TMTC1: variants seen among roughly 807,000 people sequenced by gnomAD.
TMTC1 encodes the protein transmembrane O-mannosyltransferase targeting cadherins 1.
Under a neutral mutation model 104.8 loss-of-function variants are expected in TMTC1, and 73 were observed. The ratio of observed to expected loss-of-function variants is 0.70; its 90% CI spans 0.58 to 0.85. The LOEUF is 0.85. TMTC1 is among the 40% of genes least tolerant of loss of function. The pLI, the probability that TMTC1 is intolerant of heterozygous loss-of-function variation, is 0.00. For missense variants in TMTC1, 1,035 were observed against 1,096.1 expected, an observed-to-expected ratio of 0.94 and a Z score of 0.79; for synonymous variants, 434 against 428.7, an observed-to-expected ratio of 1.01 and a Z score of -0.15.
chr12:29,660,089 C>G (rs1025141880), intron 5 of TMTC1: 3 of 853,314 alleles, frequency 3.5e-6, no homozygotes, highest in Non-Finnish European at 5.4e-6. Context: ...CACCCCTTCC[C>G]TTAAATCTGA....
In TMTC1 at chr12:29,697,996, G is replaced by A. The variant is rs144056975; in HGVS notation, c.938+53670C>T. Among the ~76,000 whole-genome samples, 28 of 152,252 alleles carry A rather than the reference G, an allele frequency of 1.8e-4. No individual in the cohort carries two copies. In the East Asian group the frequency reaches 5.4e-3, roughly 29 times the overall value. On this transcript the variant is annotated intron_variant, in intron 5 of 17. Transcript: ENST00000539277. Reference sequence around the variant, plus strand: ...CCAGAAAATGTCACCCCAAAATAGAGTACTCTTGTATGATTATTCTTTAAA... The same window carrying A: ...CCAGAAAATGTCACCCCAAAATAGAATACTCTTGTATGATTATTCTTTAAA...
intron 5 of TMTC1, among the ~76,000 whole-genome samples, chr12:29,707,770 C>T (rs1941788565): frequency 6.6e-6 from 1 of 152,188 alleles, no homozygotes; most frequent in South Asian, 2.1e-4. Context: ...GTATGAACCA[C>T]CCTTCCTTGT....
intron 5 of TMTC1, among the ~76,000 whole-genome samples, chr12:29,730,172 A>G (rs1160395947): frequency 6.6e-6 from 1 of 152,196 alleles, no homozygotes. Flanking sequence ...CTCTGAAAAT[A>G]TTTTACCTGA....
At chr12:29,720,633 A>C (rs1022570882) in intron 5 of TMTC1, among the ~76,000 whole-genome samples, 3 of 59,906 alleles carry the variant, frequency 5.0e-5, no homozygotes, top group Admixed American at 1.3e-4. Context: ...AATGGACAAA[A>C]AGATAGAAAT....
At chr12:29,670,839 G>C (rs906956452) in intron 5 of TMTC1, among the ~76,000 whole-genome samples, 9 of 149,972 alleles carry the variant, frequency 6.0e-5, no homozygotes, top group African/African-American at 2.2e-4. Flanking sequence ...ACTGAGGTGG[G>C]AGGATTGCTT....
chr12:29,673,257 G>C (rs369078642), intron 5 of TMTC1, among the ~76,000 whole-genome samples: 1 of 151,952 alleles, frequency 6.6e-6, no homozygotes, highest in African/African-American at 2.4e-5. Context: ...TGAAACTCCT[G>C]AGAAGAAAGC....
At chr12:29,621,665 G>A (rs535326613) in intron 6 of TMTC1, among the ~76,000 whole-genome samples, 1 of 152,298 alleles carries the variant, frequency 6.6e-6, no homozygotes, top group South Asian at 2.1e-4. Flanking sequence ...TTGTTGAGAT[G>A]TGTGGGAATT....
At chr12:29,666,179 C>G (rs1192489709) in intron 5 of TMTC1, 2 of 433,070 alleles carry the variant, frequency 4.6e-6, no homozygotes, top group Non-Finnish European at 9.1e-6. Flanking sequence ...TGAGCCAAAT[C>G]AAATTGTAAA....
chr12:29,736,261 CAAAAAAAAAAA>C (rs367958905), intron 5 of TMTC1, among the ~76,000 whole-genome samples: 1 of 88,572 alleles, frequency 1.1e-5, no homozygotes, highest in Non-Finnish European at 2.4e-5. Context: ...TAGGTAAAGC[CAAAAAAAAAAA>C]AAAAAAAAGG....
intron 5 of TMTC1, among the ~76,000 whole-genome samples, chr12:29,644,887 C>G (rs2136570691): frequency 1.3e-5 from 2 of 152,282 alleles, no homozygotes; most frequent in Middle Eastern, 6.8e-3. Context: ...TCCAACTCCT[C>G]TGGATCCTTC....
intron 7 of TMTC1, among the ~76,000 whole-genome samples, chr12:29,600,636 C>T (rs982674025): frequency 3.3e-5 from 5 of 152,198 alleles, no homozygotes; most frequent in Non-Finnish European, 7.3e-5. Context: ...GTGTCAGTTT[C>T]CCGAAATCCA....
At position 29,504,230 on chromosome 12, in the gene TMTC1, T is replaced by C. The variant is rs532811296; in HGVS notation, c.*2616A>G. On this transcript the variant is annotated 3_prime_UTR_variant, in exon 18 of 18. Transcript: ENST00000539277. Reference sequence around the variant, plus strand: ...CTCCATTTCAAGAAGGTGCTATCAATCCACACAGCAAGTATACTTCCATTA... The same window carrying C: ...CTCCATTTCAAGAAGGTGCTATCAACCCACACAGCAAGTATACTTCCATTA... The C allele has an allele frequency of 3.3e-5, 5 of 151,526 alleles. No individual in the cohort carries two copies. Among genetic ancestry groups the C allele is most frequent in the African/African-American group, 1.2e-4 (5 of 41,246 alleles). The allele number at this position is 151,526 out of a possible 1,614,324, so 9.4% of individuals were successfully genotyped here.
chr12:29,757,957 GTGGGAGTTACAATTCAAGATGAGATT>G (rs1490388058), intron 3 of TMTC1, among the ~76,000 whole-genome samples: 5 of 152,164 alleles, frequency 3.3e-5, no homozygotes, highest in African/African-American at 7.2e-5. Context: ...CATGGAAATT[GTGGGAGTTACAATTCAAGATGAGATT>G]TGGGAGTTAC....
intron 5 of TMTC1, among the ~76,000 whole-genome samples, chr12:29,743,877 C>A (rs993919310): frequency 6.6e-6 from 1 of 152,184 alleles, no homozygotes; most frequent in African/African-American, 2.4e-5. Context: ...TAACTCCCTG[C>A]AGCACGGTAA....
intron 10 of TMTC1, among the ~76,000 whole-genome samples, chr12:29,554,436 TCTTA>T (rs1945185399): frequency 1.3e-5 from 2 of 152,228 alleles, no homozygotes; most frequent in Non-Finnish European, 2.9e-5. Context: ...TGTTGAATGT[TCTTA>T]CTTTTAGCAA....
At chr12:29,543,889 C>T (rs1457510055) in intron 10 of TMTC1, among the ~76,000 whole-genome samples, 3 of 152,166 alleles carry the variant, frequency 2.0e-5, no homozygotes, top group African/African-American at 7.2e-5. Flanking sequence ...TGACTTTCTA[C>T]AGAAGCCACG....
intron 1 of TMTC1, among the ~76,000 whole-genome samples, chr12:29,779,757 G>A (rs1943791476): frequency 6.6e-6 from 1 of 152,052 alleles, no homozygotes; most frequent in African/African-American, 2.4e-5. Context: ...CAGAGTGGGA[G>A]AAAATATTTA....
intron 9 of TMTC1, among the ~76,000 whole-genome samples, chr12:29,570,354 C>A (rs1289503802): frequency 6.6e-6 from 1 of 152,106 alleles, no homozygotes; most frequent in Admixed American, 6.5e-5. Flanking sequence ...CAGAGATAAG[C>A]ATTATGAACA....
At chr12:29,548,614 G>A (rs1173375482) in intron 10 of TMTC1, among the ~76,000 whole-genome samples, 1 of 151,824 alleles carries the variant, frequency 6.6e-6, no homozygotes, top group African/African-American at 2.4e-5. Context: ...CACCATAATG[G>A]TGAGGCCTCC....
Sources: gnomAD v4.1 joint callset for allele counts (sites outside exome capture counted in the v4.1 genomes callset) on GRCh38, gnomAD v4.1.1 for gene constraint, MANE v1.5 for transcripts, NCBI Gene and HGNC (gene_info 2026-07-23, HGNC 2026-07-21) for gene names.